ZNF469: variants seen among roughly 807,000 people sequenced by gnomAD.
ZNF469 encodes zinc finger protein 469.
Under a neutral mutation model 1.0 loss-of-function variants are expected in ZNF469, and 1 was observed. The ratio of observed to expected loss-of-function variants is 1.00; its 90% CI spans 0.35 to 4.73. The LOEUF (loss-of-function observed/expected upper bound fraction) is 4.73, where lower values mean the gene tolerates loss of function less well. ZNF469 is among the 30% of genes most tolerant of loss of function. The pLI is 0.16. For missense variants in ZNF469, 6,100 were observed against 5,356.3 expected (o/e 1.14, Z -4.33); for synonymous variants, 2,703 against 2,363.4 (o/e 1.14, Z -4.17).
chr16:88,231,764 G>A, the ZNF469 span, among the ~76,000 whole-genome samples: 9 of 152,230 alleles, frequency 5.9e-5, no homozygotes, highest in African/African-American at 9.6e-5. This position sits in a 1 kb window ranked among gnomAD's most constrained non-coding sequence, Gnocchi z 4.5. Flanking sequence ...GGACAACCCC[G>A]GGCCACTCCC....
chr16:88,233,782 G>T, the ZNF469 span, among the ~76,000 whole-genome samples: 62 of 152,384 alleles, frequency 4.1e-4, no homozygotes, highest in Non-Finnish European at 7.1e-4. Flanking sequence ...CGTAGAGGAT[G>T]CGGGAAGCCC....
At position 88,429,365 on chromosome 16, in the gene ZNF469, C is replaced by T. The variant is rs1240178873; in HGVS notation, c.1895C>T (p.Ser632Leu). ...CAGCTCCCCGGCCCCCTCGGGCCCT[C>T]GGCCTTCTTCCACCCACCCACTCAC... ...ESQLPGPLGP[S>L]AFFHPPTHPQ... is the part of the protein sequence containing the mutation. Residue 632 changes from serine (S) to leucine (L), a missense_variant, in exon 3 of 3, where the codon TCG becomes TTG. Transcript: ENST00000565624. 4.5e-6 allele frequency: 7 copies of T among 1,549,804 alleles called. No homozygotes were observed. Among genetic ancestry groups the T allele is most frequent in the East Asian group, 2.4e-5 (1 of 40,914 alleles).
chr16:88,428,482 T>C lies in ZNF469; in HGVS notation c.1012T>C (p.Tyr338His). 1 of 1,549,384 alleles carries C rather than the reference T, an allele frequency of 6.5e-7. No individual in the cohort carries two copies. The highest frequency in any genetic ancestry group is 8.7e-7 in the Non-Finnish European group (1 of 1,146,776). ...TQPAPSPLPC[Y>H]QGQPGGLNRH... ...GCCTGCGCCCTCACCCCTGCCCTGC[T>C]ACCAGGGCCAGCCAGGTGGCCTGAA... The change falls in exon 3 of 3, where the codon TAC becomes CAC. Residue 338 changes from tyrosine (Y) to histidine (H), a missense_variant. Coordinates refer to ENST00000565624, the MANE Select transcript of ZNF469 (RefSeq NM_001367624.2).
At chr16:88,223,570 C>G in the ZNF469 span, among the ~76,000 whole-genome samples, 133 of 152,322 alleles carry the variant, frequency 8.7e-4, no homozygotes, top group African/African-American at 3.1e-3. Flanking sequence ...CACCCCAGCA[C>G]AAAGCCGAGT....
At chr16:88,413,533 G>A (rs748137734) in intron 1 of ZNF469, among the ~76,000 whole-genome samples, 2 of 152,250 alleles carry the variant, frequency 1.3e-5, no homozygotes, top group African/African-American at 2.4e-5. Flanking sequence ...ACTGGGCCCC[G>A]CCGTCCTGCC....
the ZNF469 span, among the ~76,000 whole-genome samples, chr16:88,325,246 GGCACACTCCAGGTGGTCCCT>G: frequency 8.3e-6 from 1 of 120,364 alleles, no homozygotes; most frequent in Non-Finnish European, 1.8e-5. Context: ...AGTCCTCACC[GGCACACTCCAGGTGGTCCCT>G]ACAGGCTCCG....
At chr16:88,331,250 C>T in the ZNF469 span, among the ~76,000 whole-genome samples, 1 of 151,688 alleles carries the variant, frequency 6.6e-6, no homozygotes, top group South Asian at 2.1e-4. Context: ...TCACCATCGT[C>T]ACCATCACCA....
At position 88,424,738 on chromosome 16, in the gene ZNF469, T is replaced by C. The variant is rs114697444; in HGVS notation, c.-191-69T>C. ...AGGAGCCGCTCCCTCCCACCTGGCT[T>C]CTCCTCGGGCTCTTGGTCCAGAGCC... On this transcript the variant is annotated intron_variant, in intron 1 of 2. Transcript: ENST00000565624. This position sits in a 1 kb window ranked among gnomAD's most constrained non-coding sequence, Gnocchi z 4.3. 0.02 allele frequency among the ~76,000 whole-genome samples: 3,050 copies of C among 151,950 alleles called. 113 individuals carry two copies. The highest frequency in any genetic ancestry group is 0.07 in the African/African-American group (2,889 of 41,414).
chr16:88,338,771 G>C, the ZNF469 span, among the ~76,000 whole-genome samples: 1 of 152,170 alleles, frequency 6.6e-6, no homozygotes, highest in African/African-American at 2.4e-5. Context: ...AGCAGAGATG[G>C]AGGCTGTGGC....
chr16:88,361,258 A>G, the ZNF469 span, among the ~76,000 whole-genome samples: 1 of 152,192 alleles, frequency 6.6e-6, no homozygotes, highest in Non-Finnish European at 1.5e-5. Context: ...TGGGGAGTGG[A>G]CGTAAATACA....
At chr16:88,254,933 T>G in the ZNF469 span, among the ~76,000 whole-genome samples, 1 of 152,222 alleles carries the variant, frequency 6.6e-6, no homozygotes, top group Non-Finnish European at 1.5e-5. Context: ...ATTGAGTGTT[T>G]GAATCCATGA....
chr16:88,122,793 GTATATATATGTA>G, the ZNF469 span, among the ~76,000 whole-genome samples: 1 of 145,506 alleles, frequency 6.9e-6, no homozygotes, highest in Non-Finnish European at 1.5e-5. Flanking sequence ...ATATATATGT[GTATATATATGTA>G]TATATATGCT....
At chr16:88,197,203 C>T in the ZNF469 span, among the ~76,000 whole-genome samples, 22 of 152,268 alleles carry the variant, frequency 1.4e-4, no homozygotes, top group African/African-American at 5.3e-4. Context: ...GGAAGCTGCC[C>T]CTTTGGCCTC....
In ZNF469 at chr16:88,435,893, C is replaced by T. The variant is rs1906536103; in HGVS notation, c.8423C>T (p.Ser2808Phe). The part of the protein sequence containing the change: ...GPLGFPETSS[S>F]PADSTTSSCL... Reference sequence around the variant, plus strand: ...CTGGGTTTTCCCGAGACTTCCAGCTCTCCGGCGGACAGCACCACCAGCAGC... The same window carrying T: ...CTGGGTTTTCCCGAGACTTCCAGCTTTCCGGCGGACAGCACCACCAGCAGC... Residue 2808 changes from serine (S) to phenylalanine (F), a missense_variant, in exon 3 of 3, where the codon TCT becomes TTT. Ser to Phe is a radical substitution (Grantham distance 155, BLOSUM62 -2). Coordinates refer to ENST00000565624, the MANE Select transcript of ZNF469 (RefSeq NM_001367624.2). The T allele has an allele frequency of 1.9e-6, 3 of 1,550,130 alleles. No individual in the cohort carries two copies. The highest frequency in any genetic ancestry group is 2.4e-5 in the East Asian group (1 of 40,918).
rs533523436 is a variant in ZNF469, at chr16:88,424,983, GT to G, written c.-127+113del. Among the ~76,000 whole-genome samples the G allele has an allele frequency of 3.8e-3, 579 of 152,036 alleles. 2 individuals carry two copies. Among genetic ancestry groups the G allele is most frequent in the Middle Eastern group, 0.017 (5 of 294 alleles). ...CGGCCTTCCTCTCCCTCTCAGGACAGTAACCGGGCCTGCCTACTGCCTCCCG... is the reference window on the plus strand; with the variant it reads ...CGGCCTTCCTCTCCCTCTCAGGACAGAACCGGGCCTGCCTACTGCCTCCCG... On this transcript the variant is annotated intron_variant, in intron 2 of 2. Transcript: ENST00000565624. The surrounding 1 kb of genome is among the most constrained non-coding windows in gnomAD (Gnocchi z 4.3).
intron 1 of ZNF469, among the ~76,000 whole-genome samples, chr16:88,393,473 C>T (rs1041519016): frequency 1.3e-5 from 2 of 152,292 alleles, no homozygotes; most frequent in South Asian, 4.2e-4. Context: ...AGAGGGCACC[C>T]AGGGGGGCCT....
the ZNF469 span, among the ~76,000 whole-genome samples, chr16:88,167,163 G>C: frequency 6.8e-6 from 1 of 146,864 alleles, no homozygotes. Flanking sequence ...CCGGGTTCAA[G>C]CGATTCTCCT....
the ZNF469 span, among the ~76,000 whole-genome samples, chr16:88,234,542 G>C: frequency 6.6e-6 from 1 of 152,214 alleles, no homozygotes; most frequent in African/African-American, 2.4e-5. Context: ...CAGCCTCGCA[G>C]CGCGGACCAG....
the ZNF469 span, among the ~76,000 whole-genome samples, chr16:88,161,987 T>C: frequency 6.6e-6 from 1 of 152,232 alleles, no homozygotes; most frequent in Non-Finnish European, 1.5e-5. Context: ...TAGTGAAACA[T>C]TGGAAAGAAT....
Sources: allele counts gnomAD v4.1 joint callset (sites outside exome capture counted in the v4.1 genomes callset), GRCh38; gene constraint gnomAD v4.1.1; non-coding constraint Gnocchi (gnomAD v3.1); transcripts MANE v1.5; gene names NCBI Gene and HGNC (gene_info 2026-07-23, HGNC 2026-07-21).